SNX5: variants seen among roughly 807,000 people sequenced by gnomAD.
SNX5 encodes the protein sorting nexin 5.
Under a neutral mutation model 53.9 loss-of-function variants are expected in SNX5, and 31 were observed. The observed-to-expected ratio is 0.58, with a 90% CI of 0.43 to 0.78. The LOEUF (loss-of-function observed/expected upper bound fraction) is 0.78, where lower values mean the gene tolerates loss of function less well. Among genes scored for constraint, SNX5 ranks in the 30% least tolerant of loss-of-function variants. The probability of loss-of-function intolerance (pLI) is 0.00; values close to 1 mark genes in which losing one functional copy is unlikely to be tolerated. For missense variants in SNX5, 471 were observed against 478.8 expected, an observed-to-expected ratio of 0.98 and a Z score of 0.15; for synonymous variants, 168 against 171.1, an observed-to-expected ratio of 0.98 and a Z score of 0.14.
intron 12 of SNX5, 181 bp downstream of exon 12, chr20:17,942,929 C>A: frequency 3.8e-6 from 2 of 525,036 alleles, no homozygotes; most frequent in East Asian, 3.1e-5. Flanking sequence ...AAAAATTAGT[C>A]ATGGGTGACA....
intron 1 of SNX5, among the ~76,000 whole-genome samples, chr20:17,958,895 T>C (rs997460745): frequency 1.3e-5 from 2 of 152,222 alleles, no homozygotes; most frequent in Admixed American, 6.5e-5. Context: ...CTTAGGCTTA[T>C]CTGTCAAGGT....
intron 5 of SNX5, among the ~76,000 whole-genome samples, chr20:17,951,992 G>C (rs1390300055): frequency 6.6e-6 from 1 of 152,252 alleles, no homozygotes; most frequent in Non-Finnish European, 1.5e-5. Flanking sequence ...GGGAGGCCAA[G>C]GCGGGCGGAT....
chr20:17,960,333 C>T (rs372844839), intron 1 of SNX5, among the ~76,000 whole-genome samples: 6 of 152,142 alleles, frequency 3.9e-5, no homozygotes, highest in Admixed American at 6.5e-5. Context: ...CGGTGGCTCA[C>T]GCCTGTAATC....
Position 17,951,615 on chromosome 20 carries a change from A to C in SNX5, c.514-20T>G. On this transcript the variant is annotated intron_variant, in intron 5 of 12. Coordinates refer to ENST00000377759, the MANE Select transcript of SNX5 (RefSeq NM_014426.4). ...ACTTAGCTAAAAGAAGAAAATTCCA[A>C]AGAGTTTATATGGTATGGATTTTTC... The C allele has an allele frequency of 6.6e-7, 1 of 1,505,962 alleles. No individual in the cohort carries two copies. The highest frequency in any genetic ancestry group is 9.2e-7 in the Non-Finnish European group (1 of 1,081,940). The allele number at this position is 1,505,962 out of a possible 1,614,324, so 93.3% of individuals were successfully genotyped here. A position where few individuals can be genotyped will look rare whatever the true frequency, so the allele number is the denominator to read the frequency against.
chr20:17,962,093 G>T, intron 1 of SNX5: 1 of 549,426 alleles, frequency 1.8e-6, no homozygotes, highest in Non-Finnish European at 2.3e-6. Flanking sequence ...CCATCCTGAA[G>T]ATAACTAATA....
rs746381456 is a variant in SNX5 at position 17,948,964 on chromosome 20, G to C, written c.844C>G (p.Arg282Gly). ...LFEKLRKVEG[R>G]VSSDEDLKLT... is the part of the protein sequence containing the mutation. ...TTCAAATCTTCATCTGATGAAACTC[G>C]ACCCTCTACTTTCTATATAGAAAAG... Residue 282 changes from arginine (R) to glycine (G), a missense_variant, in exon 10 of 13, where the codon CGA becomes GGA. Transcript: ENST00000377759. 1.9e-6 allele frequency: 3 copies of C among 1,612,322 alleles called. No individual in the cohort carries two copies. The highest frequency in any genetic ancestry group is 2.5e-6 in the Non-Finnish European group (3 of 1,179,796).
At chr20:17,964,156 C>T (rs1357798054) in intron 1 of SNX5, among the ~76,000 whole-genome samples, 1 of 152,154 alleles carries the variant, frequency 6.6e-6, no homozygotes, top group Non-Finnish European at 1.5e-5. Context: ...AACATTTTAT[C>T]ACCCACCAGC....
At chr20:17,943,438 G>A in intron 11 of SNX5, 1 of 460,396 alleles carries the variant, frequency 2.2e-6, no homozygotes, top group Middle Eastern at 4.7e-4. Flanking sequence ...GAGTGGGAGA[G>A]CAGCAGCTTA....
In SNX5 at chr20:17,947,503, G is replaced by T; in HGVS notation, c.1061C>A (p.Ser354Tyr). 1 of 1,613,196 alleles carries T rather than the reference G, an allele frequency of 6.2e-7. No homozygotes were observed. Among genetic ancestry groups the T allele is most frequent in the Non-Finnish European group, 8.5e-7 (1 of 1,179,588 alleles). The change falls in exon 11 of 13, where the codon TCC becomes TAC. Residue 354 changes from serine (S) to tyrosine (Y), a missense_variant. Coordinates refer to ENST00000377759, the MANE Select transcript of SNX5 (RefSeq NM_014426.4). ...TGCTCAACCTTCTTTTGCAGATTCG[G>T]AAAGTTGTTCAAATTTCTGGCAGCA... ...QECCQKFEQL[S>Y]ESAKEELINF...
intron 6 of SNX5, among the ~76,000 whole-genome samples, chr20:17,950,637 G>A (rs1267380134): frequency 6.6e-6 from 1 of 152,198 alleles, no homozygotes; most frequent in Non-Finnish European, 1.5e-5. Flanking sequence ...CAGTAAAACT[G>A]GCACCCTAAG....
intron 11 of SNX5, among the ~76,000 whole-genome samples, chr20:17,946,876 A>T (rs1393269176): frequency 6.6e-6 from 1 of 152,218 alleles, no homozygotes; most frequent in Non-Finnish European, 1.5e-5. Flanking sequence ...CGAATGAAGG[A>T]GAGACACACT....
intron 3 of SNX5, 26 bp downstream of exon 3, chr20:17,955,339 C>T: frequency 6.5e-7 from 1 of 1,529,400 alleles, no homozygotes; most frequent in Non-Finnish European, 9.0e-7. Context: ...AAAGAACTAG[C>T]TTATTTGATT....
Position 17,950,183 on chromosome 20 carries a change from G to A in SNX5, c.740C>T (p.Thr247Ile). The A allele has an allele frequency of 6.2e-7, 1 of 1,614,226 alleles. No homozygotes were observed. The highest frequency in any genetic ancestry group is 1.3e-5 in the African/African-American group (1 of 75,068). The change falls in exon 8 of 13, where the codon ACC (threonine) becomes ATC (isoleucine). Residue 247 changes from threonine (T) to isoleucine (I), a missense_variant. Thr to Ile is a moderately conservative substitution (Grantham distance 89). Coordinates refer to ENST00000377759, the MANE Select transcript of SNX5 (RefSeq NM_014426.4). The stretch of plus-strand genomic sequence containing the variant: ...AGCCAGGCTATGTAAGCAGGCTGCG[G>A]TGTGGATATAGTCATCGGCAACATC... ...HKNVADDYIH[T>I]AACLHSLALE...
chr20:17,963,584 A>C (rs139684662), intron 1 of SNX5, among the ~76,000 whole-genome samples: 1 of 152,326 alleles, frequency 6.6e-6, no homozygotes, highest in East Asian at 1.9e-4. Context: ...TACCATATCA[A>C]GTCAGCAAGC....
At chr20:17,947,794 G>A (rs745783394) in intron 10 of SNX5, 149 bp from the exon 11 acceptor site, 40 of 616,806 alleles carry the variant, frequency 6.5e-5, no homozygotes, top group Middle Eastern at 3.6e-4. Context: ...CTCCAGCTTC[G>A]CAGGGATGAG....
intron 1 of SNX5, among the ~76,000 whole-genome samples, chr20:17,962,523 T>C (rs1255843607): frequency 2.6e-5 from 4 of 151,394 alleles, no homozygotes; most frequent in Non-Finnish European, 1.5e-5. Context: ...TTTACAGGTA[T>C]TGGCTCTCAT....
intron 1 of SNX5, chr20:17,962,754 G>A (rs769925888): frequency 3.3e-5 from 17 of 519,110 alleles, no homozygotes; most frequent in Admixed American, 2.5e-4. Context: ...GGGTCTCAGA[G>A]GGCCCCGTCC....
In SNX5 at chr20:17,947,597, T is replaced by G; in HGVS notation, c.967A>C (p.Asn323His). 6.2e-7 allele frequency: 1 copy of G among 1,614,084 alleles called. No individual in the cohort carries two copies. Among genetic ancestry groups the G allele is most frequent in the Non-Finnish European group, 8.5e-7 (1 of 1,179,940 alleles). Residue 323 changes from asparagine (N) to histidine (H), a missense_variant, in exon 11 of 13, where the codon AAC (asparagine) becomes CAC (histidine). Asn to His is a moderately conservative substitution (Grantham distance 68). Coordinates refer to ENST00000377759, the MANE Select transcript of SNX5 (RefSeq NM_014426.4). Reference sequence around the variant, plus strand: ...AACCGGGCCTTATCCAGAGCTTTGTTTGAGTTCTCATAGTCAATGAGGGCT... The same window carrying G: ...AACCGGGCCTTATCCAGAGCTTTGTGTGAGTTCTCATAGTCAATGAGGGCT... ...TKALIDYENS[N>H]KALDKARLKS...
chr20:17,963,302 A>C (rs1489221914), intron 1 of SNX5, among the ~76,000 whole-genome samples: 2 of 152,052 alleles, frequency 1.3e-5, no homozygotes, highest in African/African-American at 4.8e-5. Context: ...CAACACAGCA[A>C]AGCCTTAAAA....
Sources: gnomAD v4.1 joint callset for allele counts (sites outside exome capture counted in the v4.1 genomes callset) on GRCh38, gnomAD v4.1.1 for gene constraint, MANE v1.5 for transcripts, NCBI Gene and HGNC (gene_info 2026-07-23, HGNC 2026-07-21) for gene names.